ZFTRAF1: variants seen among roughly 807,000 people sequenced by gnomAD.
The protein encoded by ZFTRAF1 is zinc finger TRAF-type and ring finger containing 1, also known as zinc finger TRAF-type-containing protein 1.
At chr8:144,451,813 G>C in the ZFTRAF1 span, 1 of 194,000 alleles carries the variant, frequency 5.2e-6, no homozygotes, top group African/African-American at 2.3e-5. Flanking sequence ...GGCGTCTGTG[G>C]GTGTCCACTC....
chr8:144,462,388 C>CGCT, the ZFTRAF1 span: 2 of 431,278 alleles, frequency 4.6e-6, no homozygotes, highest in African/African-American at 4.2e-5. Context: ...CCGCCGCCGC[C>CGCT]GCCTCGGCCG....
At chr8:144,462,068 C>T in the ZFTRAF1 span, among the ~76,000 whole-genome samples, 2 of 152,120 alleles carry the variant, frequency 1.3e-5, no homozygotes, top group Admixed American at 6.5e-5. Flanking sequence ...AGGGGGGTCC[C>T]GAGCGGAAAA....
chr8:144,461,977 G>GA, the ZFTRAF1 span, among the ~76,000 whole-genome samples: 6 of 152,284 alleles, frequency 3.9e-5, no homozygotes, highest in Admixed American at 1.3e-4. Context: ...GGACCGTGGG[G>GA]AAGTCTAGAA....
the ZFTRAF1 span, chr8:144,455,742 C>G: frequency 6.6e-6 from 1 of 152,310 alleles, no homozygotes; most frequent in Admixed American, 6.5e-5. Flanking sequence ...AGGGCTGGAG[C>G]ATCTAATGCC....
At chr8:144,459,811 C>T in the ZFTRAF1 span, among the ~76,000 whole-genome samples, 1 of 152,234 alleles carries the variant, frequency 6.6e-6, no homozygotes, top group Admixed American at 6.5e-5. Flanking sequence ...CTGGTGCCCA[C>T]CCTGAGCCAT....
At chr8:144,460,316 G>C in the ZFTRAF1 span, among the ~76,000 whole-genome samples, 1 of 152,256 alleles carries the variant, frequency 6.6e-6, no homozygotes. Context: ...GCCCAGAGCA[G>C]AACTCCACTC....
the ZFTRAF1 span, chr8:144,451,388 C>G: frequency 6.5e-6 from 1 of 153,824 alleles, no homozygotes; most frequent in African/African-American, 2.4e-5. Context: ...CTCACCTGGC[C>G]ACGGCCACAG....
chr8:144,457,929 T>G, the ZFTRAF1 span: 1 of 152,242 alleles, frequency 6.6e-6, no homozygotes, highest in Non-Finnish European at 1.5e-5. Context: ...ACAGAGGTCG[T>G]CAGAGCCAAA....
the ZFTRAF1 span, among the ~76,000 whole-genome samples, chr8:144,461,949 G>T: frequency 2.6e-5 from 4 of 152,180 alleles, no homozygotes; most frequent in African/African-American, 9.7e-5. Flanking sequence ...GAGGCTGTGG[G>T]TTGGGAGAGT....
chr8:144,453,785 C>T, the ZFTRAF1 span: 6 of 291,962 alleles, frequency 2.1e-5, no homozygotes, highest in African/African-American at 1.1e-4. Context: ...TAGGGACCAG[C>T]GACTGCCCTG....
the ZFTRAF1 span, among the ~76,000 whole-genome samples, chr8:144,459,359 T>C: frequency 6.6e-6 from 1 of 152,248 alleles, no homozygotes; most frequent in African/African-American, 2.4e-5. Flanking sequence ...GCACACCTTG[T>C]CAGGCCAGTC....
the ZFTRAF1 span, chr8:144,454,912 G>A: frequency 6.6e-6 from 1 of 152,290 alleles, no homozygotes; most frequent in Non-Finnish European, 1.5e-5. Context: ...CTGAGTCAAA[G>A]GACCTACATG....
chr8:144,461,058 C>T, the ZFTRAF1 span, among the ~76,000 whole-genome samples: 4 of 152,298 alleles, frequency 2.6e-5, no homozygotes, highest in South Asian at 8.3e-4. Context: ...TGGTGCCTGA[C>T]ACCCAGGAGG....
the ZFTRAF1 span, chr8:144,449,954 T>C: frequency 5.1e-6 from 1 of 195,218 alleles, no homozygotes; most frequent in Non-Finnish European, 1.1e-5. Flanking sequence ...TGCCTTTTAA[T>C]TGCTATCAGA....
chr8:144,458,207 C>A, the ZFTRAF1 span, among the ~76,000 whole-genome samples: 4 of 152,232 alleles, frequency 2.6e-5, no homozygotes, highest in African/African-American at 9.6e-5. Flanking sequence ...GATTTGAAGT[C>A]CCTCACCTGC....
chr8:144,462,002 G>T, the ZFTRAF1 span, among the ~76,000 whole-genome samples: 4 of 152,130 alleles, frequency 2.6e-5, no homozygotes, highest in African/African-American at 9.7e-5. Flanking sequence ...GAAGGGAGAG[G>T]TAAGCGGAAG....
chr8:144,457,206 A>T, the ZFTRAF1 span: 1 of 152,082 alleles, frequency 6.6e-6, no homozygotes, highest in Non-Finnish European at 1.5e-5. Flanking sequence ...TCACGGGGGA[A>T]TGACATCACA....
the ZFTRAF1 span, chr8:144,451,738 C>T: frequency 6.1e-6 from 1 of 164,164 alleles, no homozygotes; most frequent in African/African-American, 2.4e-5. Context: ...CCGACACGTT[C>T]AAAGGCGGTG....
chr8:144,462,187 G>A, the ZFTRAF1 span: 3 of 428,666 alleles, frequency 7.0e-6, no homozygotes, highest in Non-Finnish European at 8.3e-6. Flanking sequence ...GCCGGGCCCC[G>A]CAGGCCTGGC....
Sources: allele counts gnomAD v4.1 joint callset (sites outside exome capture counted in the v4.1 genomes callset), GRCh38; gene constraint gnomAD v4.1.1; transcripts MANE v1.5; gene names NCBI Gene and HGNC (gene_info 2026-07-23, HGNC 2026-07-21).